Variants in STXBP5L observed in about 807,000 individuals in gnomAD.
The protein encoded by STXBP5L is syntaxin binding protein 5L, also known as syntaxin-binding protein 5-like.
In STXBP5L, 65 loss-of-function variants were observed where a neutral mutation model predicts 144.5. The ratio of observed to expected loss-of-function variants is 0.45; its 90% CI spans 0.37 to 0.55. STXBP5L has a LOEUF of 0.55. Ranked by LOEUF, STXBP5L falls within the 20% of genes least tolerant of loss-of-function variation. The pLI is 0.00. For synonymous variants in STXBP5L, 505 were observed against 469.6 expected, an observed-to-expected ratio of 1.08 and a Z score of -0.97; for missense variants, 1,298 against 1,405.5, an observed-to-expected ratio of 0.92 and a Z score of 1.22.
intron 20 of STXBP5L, chr3:121,357,839 A>T (rs1215476664): frequency 6.6e-6 from 1 of 152,244 alleles, no homozygotes; most frequent in Non-Finnish European, 1.5e-5. Flanking sequence ...TTCCACACGC[A>T]TACAAAAGAG....
At chr3:121,386,943 TG>T (rs1385371781) in intron 22 of STXBP5L, among the ~76,000 whole-genome samples, 1 of 152,218 alleles carries the variant, frequency 6.6e-6, no homozygotes, top group East Asian at 1.9e-4. Flanking sequence ...CTGGGTCAAA[TG>T]GTAATTCTAG....
intron 9 of STXBP5L, among the ~76,000 whole-genome samples, chr3:121,196,750 G>C (rs1241016469): frequency 6.6e-6 from 1 of 151,994 alleles, no homozygotes; most frequent in African/African-American, 2.4e-5. Context: ...GCTCACTGCA[G>C]CCTCAACCTC....
intron 5 of STXBP5L, among the ~76,000 whole-genome samples, chr3:121,051,682 G>A (rs1948008396): frequency 6.6e-6 from 1 of 152,010 alleles, no homozygotes; most frequent in Non-Finnish European, 1.5e-5. Flanking sequence ...TAGAACTAGA[G>A]AAGCAAGAGG....
At chr3:121,396,570 A>G (rs1406761197) in intron 22 of STXBP5L, among the ~76,000 whole-genome samples, 1 of 152,222 alleles carries the variant, frequency 6.6e-6, no homozygotes, top group Non-Finnish European at 1.5e-5. Flanking sequence ...TTTGCCAAAG[A>G]GAGTTAGGTT....
At chr3:120,967,759 G>C (rs1021387986) in intron 3 of STXBP5L, among the ~76,000 whole-genome samples, 1 of 151,908 alleles carries the variant, frequency 6.6e-6, no homozygotes, top group Non-Finnish European at 1.5e-5. Flanking sequence ...TTTCTTCTTA[G>C]AACTGCTTTT....
At chr3:121,315,025 A>G (rs1203684148) in intron 19 of STXBP5L, among the ~76,000 whole-genome samples, 1 of 152,180 alleles carries the variant, frequency 6.6e-6, no homozygotes, top group African/African-American at 2.4e-5. Context: ...GAACACTTTT[A>G]CACTGTTGGT....
intron 3 of STXBP5L, among the ~76,000 whole-genome samples, chr3:121,028,283 C>T (rs1318770428): frequency 6.6e-6 from 1 of 151,956 alleles, no homozygotes; most frequent in African/African-American, 2.4e-5. Flanking sequence ...GAAATAATAA[C>T]TTTTTCAGGC....
At chr3:121,186,158 A>T (rs2047373413) in intron 9 of STXBP5L, among the ~76,000 whole-genome samples, 1 of 152,162 alleles carries the variant, frequency 6.6e-6, no homozygotes, top group African/African-American at 2.4e-5. Context: ...GTATCCTGAG[A>T]CTTTGCTGAA....
At chr3:121,141,307 G>A (rs1309009369) in intron 7 of STXBP5L, among the ~76,000 whole-genome samples, 1 of 152,086 alleles carries the variant, frequency 6.6e-6, no homozygotes, top group Non-Finnish European at 1.5e-5. Flanking sequence ...GGAGGCTGAG[G>A]CAGGAGAATC....
At chr3:121,255,845 C>T (rs756748606) in intron 16 of STXBP5L, among the ~76,000 whole-genome samples, 1 of 152,022 alleles carries the variant, frequency 6.6e-6, no homozygotes. Context: ...AATGAAGCCA[C>T]CTATAAACAA....
chr3:120,998,049 C>A (rs1175169284), intron 3 of STXBP5L, among the ~76,000 whole-genome samples: 2 of 152,100 alleles, frequency 1.3e-5, no homozygotes, highest in African/African-American at 2.4e-5. Flanking sequence ...ATGTTAAAAA[C>A]CCTCAACAAA....
chr3:121,294,151 C>A (rs146384828), intron 19 of STXBP5L, among the ~76,000 whole-genome samples: 2 of 152,320 alleles, frequency 1.3e-5, no homozygotes, highest in East Asian at 3.9e-4. Flanking sequence ...GGAAAGCAAG[C>A]TGGTGTACCC....
intron 5 of STXBP5L, among the ~76,000 whole-genome samples, chr3:121,069,152 C>T (rs986730490): frequency 2.0e-5 from 3 of 152,208 alleles, no homozygotes; most frequent in African/African-American, 7.2e-5. Flanking sequence ...CTTCCATTGT[C>T]ATCCCTATCT....
chr3:121,013,889 T>C (rs1456726767), intron 3 of STXBP5L, among the ~76,000 whole-genome samples: 2 of 151,998 alleles, frequency 1.3e-5, no homozygotes, highest in African/African-American at 4.8e-5. Flanking sequence ...TTTATTGAAT[T>C]AGGATATCCT....
chr3:121,194,909 C>CTTTTTTTTTTTTTTTT (rs10717806), intron 9 of STXBP5L, among the ~76,000 whole-genome samples: 2 of 68,478 alleles, frequency 2.9e-5, no homozygotes, highest in Admixed American at 2.3e-4. Flanking sequence ...TCTTTTCACT[C>CTTTTTTTTTTTTTTTT]TTTTTTTTTT....
rs2044731767 is a variant in STXBP5L, at chr3:121,342,012, A to C, written c.2176+23472A>C. The stretch of plus-strand genomic sequence containing the variant: ...TATAATTGGACTTTTTGTAACACAA[A>C]GGAAGGGTAATTGCTTGATGTGATA... On this transcript the variant is annotated intron_variant, in intron 20 of 26. Transcript: ENST00000471454. Among the ~76,000 whole-genome samples the C allele has an allele frequency of 2.0e-5, 3 of 152,168 alleles. No individual in the cohort carries two copies. In the South Asian group the frequency reaches 6.2e-4, roughly 31 times the overall value.
chr3:121,092,688 T>G (rs2042878646), intron 5 of STXBP5L, among the ~76,000 whole-genome samples: 1 of 152,232 alleles, frequency 6.6e-6, no homozygotes, highest in Non-Finnish European at 1.5e-5. Context: ...CAGTGGGGTT[T>G]TCTAGATACA....
chr3:121,249,530 G>A (rs2049965512), intron 14 of STXBP5L, among the ~76,000 whole-genome samples: 1 of 152,032 alleles, frequency 6.6e-6, no homozygotes, highest in African/African-American at 2.4e-5. Context: ...ATTGATTTTT[G>A]TATATTGATA....
intron 9 of STXBP5L, among the ~76,000 whole-genome samples, chr3:121,182,386 T>C (rs2047192614): frequency 6.6e-6 from 1 of 152,186 alleles, no homozygotes; most frequent in South Asian, 2.1e-4. Context: ...CATTAACAAA[T>C]ACATGGAAAT....
Sources: allele counts gnomAD v4.1 joint callset (sites outside exome capture counted in the v4.1 genomes callset), GRCh38; gene constraint gnomAD v4.1.1; transcripts MANE v1.5; gene names NCBI Gene and HGNC (gene_info 2026-07-23, HGNC 2026-07-21).